Variants in SPAG16 observed in about 807,000 individuals in gnomAD.
The protein encoded by SPAG16 is sperm-associated antigen 16 protein.
Under a neutral mutation model 80.4 loss-of-function variants are expected in SPAG16, and 86 were observed. The observed-to-expected ratio is 1.07, with a 90% CI of 0.90 to 1.28. The LOEUF (loss-of-function observed/expected upper bound fraction) is 1.28, where lower values mean the gene tolerates loss of function less well. Ranked by LOEUF, SPAG16 falls within the 50% of genes most tolerant of loss-of-function variation. SPAG16 has a pLI of 0.00. For missense variants in SPAG16, 870 were observed against 765.3 expected, an observed-to-expected ratio of 1.14 and a Z score of -1.61; for synonymous variants, 294 against 265.9, an observed-to-expected ratio of 1.11 and a Z score of -1.03.
At chr2:213,947,097 T>C (rs958721432) in intron 12 of SPAG16, among the ~76,000 whole-genome samples, 3 of 152,178 alleles carry the variant, frequency 2.0e-5, no homozygotes, top group African/African-American at 7.2e-5. Flanking sequence ...TATTCACTCC[T>C]TGAAGGATAT....
intron 11 of SPAG16, among the ~76,000 whole-genome samples, chr2:213,900,728 G>A (rs1190346362): frequency 6.6e-6 from 1 of 152,078 alleles, no homozygotes; most frequent in African/African-American, 2.4e-5. Context: ...TCCACATCCT[G>A]GACATTCATC....
chr2:213,484,637 A>G (rs574760315), intron 9 of SPAG16, among the ~76,000 whole-genome samples: 4 of 152,208 alleles, frequency 2.6e-5, no homozygotes, highest in Non-Finnish European at 5.9e-5. Flanking sequence ...TTAAAAATAT[A>G]TATCTTAAAA....
intron 15 of SPAG16, chr2:214,240,534 C>G (rs1210595765): frequency 6.6e-6 from 1 of 152,056 alleles, no homozygotes; most frequent in Admixed American, 6.6e-5. Flanking sequence ...CAAAATAATG[C>G]TTAAAACATA....
At chr2:213,797,979 T>A (rs1428147627) in intron 10 of SPAG16, among the ~76,000 whole-genome samples, 1 of 152,208 alleles carries the variant, frequency 6.6e-6, no homozygotes, top group Non-Finnish European at 1.5e-5. Context: ...CATCAACATT[T>A]GCTGTCTTTC....
At chr2:213,493,270 T>C (rs557087221) in intron 10 of SPAG16, among the ~76,000 whole-genome samples, 2 of 152,256 alleles carry the variant, frequency 1.3e-5, no homozygotes, top group African/African-American at 2.4e-5. Flanking sequence ...AGAATAATTA[T>C]GTTTTTTTCC....
At chr2:213,378,701 A>T (rs1035950853) in intron 9 of SPAG16, among the ~76,000 whole-genome samples, 1 of 152,154 alleles carries the variant, frequency 6.6e-6, no homozygotes, top group East Asian at 1.9e-4. Context: ...ATTGATTACT[A>T]CCTTGTTCTA....
chr2:213,322,742 C>T lies in SPAG16; in HGVS notation c.536+5386C>T, dbSNP rs557508790. ...AAATAACATGGGTAAAGGAGACAGACGGGGTGCTGTTTTATGTAGGATTGG... is the reference window on the plus strand; with the variant it reads ...AAATAACATGGGTAAAGGAGACAGATGGGGTGCTGTTTTATGTAGGATTGG... On this transcript the variant is annotated intron_variant, in intron 5 of 15. Transcript: ENST00000331683. Among the ~76,000 whole-genome samples the T allele has an allele frequency of 2.6e-5, 4 of 152,030 alleles. No homozygotes were observed. The South Asian group carries it at 6.3e-4, about 24-fold the overall frequency.
intron 10 of SPAG16, among the ~76,000 whole-genome samples, chr2:213,773,170 T>C (rs2069362201): frequency 6.6e-6 from 1 of 152,184 alleles, no homozygotes; most frequent in Admixed American, 6.5e-5. Flanking sequence ...TATAATTTTG[T>C]TTTTAATGAT....
At chr2:213,901,382 G>C (rs770039437) in intron 11 of SPAG16, among the ~76,000 whole-genome samples, 3 of 152,026 alleles carry the variant, frequency 2.0e-5, no homozygotes, top group Non-Finnish European at 4.4e-5. Context: ...ATTTCACCCT[G>C]GTCCATTTTA....
chr2:213,420,377 A>G (rs1228733538), intron 9 of SPAG16, among the ~76,000 whole-genome samples: 1 of 152,230 alleles, frequency 6.6e-6, no homozygotes, highest in Non-Finnish European at 1.5e-5. Context: ...ACTGACTGAT[A>G]GTACCTGTTT....
chr2:213,900,958 C>A (rs2077196774), intron 11 of SPAG16, among the ~76,000 whole-genome samples: 1 of 152,064 alleles, frequency 6.6e-6, no homozygotes, highest in South Asian at 2.1e-4. Flanking sequence ...AGAGTTTATT[C>A]AATCATCTGT....
intron 12 of SPAG16, among the ~76,000 whole-genome samples, chr2:213,960,767 A>G (rs1468771800): frequency 6.6e-6 from 1 of 152,196 alleles, no homozygotes; most frequent in East Asian, 1.9e-4. Context: ...GAAAAAGAGA[A>G]AAATGAAGTG....
intron 15 of SPAG16, among the ~76,000 whole-genome samples, chr2:214,302,941 A>C (rs1016618700): frequency 6.6e-6 from 1 of 151,594 alleles, no homozygotes; most frequent in African/African-American, 2.4e-5. Context: ...AAGAAAAGCT[A>C]CTCCTGTTCA....
chr2:214,042,099 T>A (rs1451617707), intron 13 of SPAG16, among the ~76,000 whole-genome samples: 2 of 149,728 alleles, frequency 1.3e-5, no homozygotes, highest in African/African-American at 2.4e-5. Context: ...TTTTCTTTTT[T>A]TTTTGAGACA....
At chr2:213,644,111 A>G (rs2062731002) in intron 10 of SPAG16, among the ~76,000 whole-genome samples, 1 of 151,160 alleles carries the variant, frequency 6.6e-6, no homozygotes, top group African/African-American at 2.4e-5. Flanking sequence ...TCTGCTTGAT[A>G]AATTCTGTTA....
intron 15 of SPAG16, among the ~76,000 whole-genome samples, chr2:214,200,205 G>T (rs1310573281): frequency 6.6e-6 from 1 of 152,032 alleles, no homozygotes. Flanking sequence ...CCCATTCAGT[G>T]TGATGTTGGC....
At chr2:214,253,293 A>G (rs1690436788) in intron 15 of SPAG16, among the ~76,000 whole-genome samples, 1 of 152,000 alleles carries the variant, frequency 6.6e-6, no homozygotes, top group Non-Finnish European at 1.5e-5. Context: ...GCTGTGCAGA[A>G]GTTCTTTAGT....
At chr2:213,376,168 A>G (rs1453928555) in intron 9 of SPAG16, among the ~76,000 whole-genome samples, 1 of 151,730 alleles carries the variant, frequency 6.6e-6, no homozygotes, top group East Asian at 1.9e-4. Context: ...AGGTAGACTC[A>G]CATCAGATTT....
rs1304173764 is a variant in SPAG16, at chr2:213,929,003, T to TC, written c.1215-957_1215-956insC. On this transcript the variant is annotated intron_variant, in intron 11 of 15. Transcript: ENST00000331683. ...ACCTACCCATTTCTTTTCTTTTCTT[T>TC]TTTTTTTTTTTTTTTTTTTTTTTTT... 6.6e-4 allele frequency among the ~76,000 whole-genome samples: 3 copies of TC among 4,516 alleles called. 1 individual carries two copies. Among genetic ancestry groups the TC allele is most frequent in the African/African-American group, 1.2e-3 (3 of 2,490 alleles). The allele number at this position is 4,516 out of a possible 152,430, so 3.0% of individuals were successfully genotyped here. A position where few individuals can be genotyped will look rare whatever the true frequency, so the allele number is the denominator to read the frequency against.
Sources: allele counts gnomAD v4.1 joint callset (sites outside exome capture counted in the v4.1 genomes callset), GRCh38; gene constraint gnomAD v4.1.1; transcripts MANE v1.5; gene names NCBI Gene and HGNC (gene_info 2026-07-23, HGNC 2026-07-21).